The following ADCY8 variants were observed in gnomAD, a reference collection of about 807,000 sequenced individuals.
ADCY8 encodes the protein adenylate cyclase type 8.
Under a neutral mutation model 119.7 loss-of-function variants are expected in ADCY8, and 51 were observed. The ratio of observed to expected loss-of-function variants is 0.43; its 90% CI spans 0.34 to 0.54. The LOEUF is 0.54. ADCY8 is among the 20% of genes least tolerant of loss of function. ADCY8 has a pLI of 0.03. For missense variants in ADCY8, 1,383 were observed against 1,598.8 expected (o/e 0.87, Z 2.30); for synonymous variants, 665 against 651.0 (o/e 1.02, Z -0.33).
intron 12 of ADCY8, among the ~76,000 whole-genome samples, chr8:130,826,743 T>G (rs943792665): frequency 6.7e-6 from 1 of 149,880 alleles, no homozygotes; most frequent in East Asian, 2.0e-4. Flanking sequence ...GAAACAGCAG[T>G]GTCATGAATA....
rs1360141763 is a variant in ADCY8 at position 130,780,333 on chromosome 8, T to C, written c.*57A>G. ...AAAAAAAATTAAACCTTTTTATTAG[T>C]ATATTTATTTTATATATAAAAGAAA... On this transcript the variant is annotated 3_prime_UTR_variant, in exon 18 of 18. Coordinates refer to ENST00000286355, the MANE Select transcript of ADCY8 (RefSeq NM_001115.3). 3.3e-6 allele frequency: 4 copies of C among 1,197,162 alleles called. No homozygotes were observed. Among genetic ancestry groups the C allele is most frequent in the Non-Finnish European group, 4.2e-6 (4 of 946,288 alleles). 74.2% of individuals were successfully genotyped at this position (1,197,162 alleles called of 1,614,324 possible). A position where few individuals can be genotyped will look rare whatever the true frequency, so the allele number is the denominator to read the frequency against.
At chr8:130,888,423 T>A (rs890004100) in intron 7 of ADCY8, among the ~76,000 whole-genome samples, 1 of 152,096 alleles carries the variant, frequency 6.6e-6, no homozygotes, top group Non-Finnish European at 1.5e-5. Flanking sequence ...TTTAGGTATT[T>A]GGGAAGTCAG....
At chr8:130,929,411 T>C (rs1465757730) in intron 5 of ADCY8, among the ~76,000 whole-genome samples, 1 of 152,186 alleles carries the variant, frequency 6.6e-6, no homozygotes, top group Non-Finnish European at 1.5e-5. Context: ...TCCAGGAGCA[T>C]GTTGTTTAAT....
At chr8:130,842,776 G>A (rs1487935853) in intron 11 of ADCY8, among the ~76,000 whole-genome samples, 1 of 151,010 alleles carries the variant, frequency 6.6e-6, no homozygotes, top group Non-Finnish European at 1.5e-5. Flanking sequence ...GGAGGTGGAG[G>A]CACAGGAATT....
At chr8:130,804,107 C>A (rs555274868) in intron 14 of ADCY8, among the ~76,000 whole-genome samples, 1 of 152,332 alleles carries the variant, frequency 6.6e-6, no homozygotes, top group South Asian at 2.1e-4. Flanking sequence ...AATGTGCATC[C>A]TCCTAATGGC....
At chr8:130,886,650 C>T (rs1350360316) in intron 7 of ADCY8, among the ~76,000 whole-genome samples, 2 of 152,042 alleles carry the variant, frequency 1.3e-5, no homozygotes, top group Non-Finnish European at 2.9e-5. Flanking sequence ...ACATTCTGAC[C>T]TTGGGATGCC....
intron 7 of ADCY8, among the ~76,000 whole-genome samples, chr8:130,895,469 A>G (rs1488862632): frequency 1.2e-4 from 18 of 152,138 alleles, no homozygotes; most frequent in Admixed American, 1.2e-3. Flanking sequence ...GAAAGGAAGG[A>G]TGATGAGTCA....
chr8:130,973,696 G>A (rs747233028), intron 2 of ADCY8, among the ~76,000 whole-genome samples: 21 of 152,210 alleles, frequency 1.4e-4, no homozygotes, highest in Non-Finnish European at 2.8e-4. Flanking sequence ...CATATGGAAA[G>A]ACAGGATGGT....
chr8:130,970,946 T>A (rs1271466003), intron 2 of ADCY8, among the ~76,000 whole-genome samples: 1 of 152,110 alleles, frequency 6.6e-6, no homozygotes, highest in East Asian at 1.9e-4. Context: ...GTGTGACAGA[T>A]TGGCTATGAG....
At chr8:130,784,085 G>T (rs561487534) in intron 16 of ADCY8, among the ~76,000 whole-genome samples, 1 of 152,160 alleles carries the variant, frequency 6.6e-6, no homozygotes, top group African/African-American at 2.4e-5. Flanking sequence ...ATTCCGTAGT[G>T]TATGTTCACT....
At chr8:130,822,540 ATCC>A (rs1341281152) in intron 12 of ADCY8, among the ~76,000 whole-genome samples, 19 of 12,960 alleles carry the variant, frequency 1.5e-3, no homozygotes, top group Admixed American at 3.0e-3. Context: ...CCATGAATCC[ATCC>A]ATCCATCCAT....
At chr8:130,936,170 C>T (rs185934188) in intron 5 of ADCY8, among the ~76,000 whole-genome samples, 94 of 151,940 alleles carry the variant, frequency 6.2e-4, no homozygotes, top group Non-Finnish European at 1.1e-3. Flanking sequence ...GGACGTGACA[C>T]TTAGAGGCTC....
chr8:130,806,515 A>G (rs1219529288), intron 14 of ADCY8, among the ~76,000 whole-genome samples: 2 of 152,064 alleles, frequency 1.3e-5, no homozygotes, highest in Non-Finnish European at 2.9e-5. Context: ...AAGTAGGGAA[A>G]CCCTAAGAAA....
intron 3 of ADCY8, 35 bp from the exon 4 acceptor site, chr8:130,943,497 G>GGGGCCCCCCCCCCCCCC: frequency 2.0e-6 from 1 of 491,356 alleles, no homozygotes; most frequent in East Asian, 5.4e-5. Context: ...GTGGGGGGAG[G>GGGGCCCCCCCCCCCCCC]AAGTATATTA....
At chr8:130,946,386 C>T (rs1235268078) in intron 3 of ADCY8, among the ~76,000 whole-genome samples, 11 of 152,178 alleles carry the variant, frequency 7.2e-5, no homozygotes, top group Non-Finnish European at 1.3e-4. Flanking sequence ...ACATTATGCA[C>T]CTGTATCTTT....
At chr8:130,925,688 T>G (rs1378297284) in intron 5 of ADCY8, among the ~76,000 whole-genome samples, 1 of 152,230 alleles carries the variant, frequency 6.6e-6, no homozygotes, top group Non-Finnish European at 1.5e-5. Context: ...AATGGAATCC[T>G]GACTGGAATT....
At chr8:130,984,268 G>C (rs1822329300) in intron 2 of ADCY8, among the ~76,000 whole-genome samples, 1 of 152,170 alleles carries the variant, frequency 6.6e-6, no homozygotes, top group Admixed American at 6.5e-5. Flanking sequence ...GGGGTAGACT[G>C]CCTGTGGGGA....
At chr8:131,038,568 G>C (rs1314830763) in intron 1 of ADCY8, among the ~76,000 whole-genome samples, 1 of 151,974 alleles carries the variant, frequency 6.6e-6, no homozygotes, top group African/African-American at 2.4e-5. Context: ...CCATATTTAA[G>C]GGGAAGAATA....
chr8:130,783,897 C>A, intron 16 of ADCY8, 92 bp from the exon 17 acceptor site: 1 of 903,962 alleles, frequency 1.1e-6, no homozygotes, highest in East Asian at 2.5e-5. Flanking sequence ...CCTAACCCAA[C>A]CCTACCTGCA....
Sources: gnomAD v4.1 joint callset for allele counts (sites outside exome capture counted in the v4.1 genomes callset) on GRCh38, gnomAD v4.1.1 for gene constraint, MANE v1.5 for transcripts, NCBI Gene and HGNC (gene_info 2026-07-23, HGNC 2026-07-21) for gene names.